ARMC3: variants seen among roughly 807,000 people sequenced by gnomAD.
ARMC3 encodes armadillo repeat containing 3.
A neutral mutation model predicts 90.3 loss-of-function variants in ARMC3; 74 were observed. The observed-to-expected ratio is 0.82, with a 90% CI of 0.68 to 0.99. The LOEUF (loss-of-function observed/expected upper bound fraction) is 0.99. Ranked by LOEUF, ARMC3 falls within the 50% of genes least tolerant of loss-of-function variation. ARMC3 has a pLI of 0.00. For missense variants in ARMC3, 958 were observed against 1,042.8 expected (o/e 0.92, Z 1.12); for synonymous variants, 334 against 361.8 (o/e 0.92, Z 0.87).
intron 10 of ARMC3, among the ~76,000 whole-genome samples, chr10:22,990,469 C>T (rs577402317): frequency 6.6e-6 from 1 of 152,204 alleles, no homozygotes; most frequent in Non-Finnish European, 1.5e-5. Context: ...AAACTCTCTA[C>T]CCTTGTGGCT....
At chr10:22,968,172 T>C (rs1835521723) in intron 7 of ARMC3, 134 bp from the exon 8 acceptor site, 1 of 730,746 alleles carries the variant, frequency 1.4e-6, no homozygotes. Context: ...GCAGAACTCC[T>C]ATTCCCTGGG....
At chr10:23,003,134 C>CT (rs1837395105) in intron 12 of ARMC3, 112 bp from the exon 13 acceptor site, 1 of 932,904 alleles carries the variant, frequency 1.1e-6, no homozygotes, top group East Asian at 2.7e-5. Context: ...GTGGGGGAGG[C>CT]TTTAAGCTCC....
intron 16 of ARMC3, among the ~76,000 whole-genome samples, chr10:23,018,402 A>G (rs1188031987): frequency 6.6e-6 from 1 of 151,920 alleles, no homozygotes; most frequent in Non-Finnish European, 1.5e-5. Flanking sequence ...TTGGCCATAG[A>G]TGGTGCCTCT....
chr10:22,929,241 GA>G (rs1176570872), intron 1 of ARMC3, among the ~76,000 whole-genome samples: 2 of 119,658 alleles, frequency 1.7e-5, no homozygotes, highest in Admixed American at 8.7e-5. Flanking sequence ...AAAAGAAAAA[GA>G]AAAAAAGAGA....
intron 7 of ARMC3, among the ~76,000 whole-genome samples, chr10:22,962,895 C>T (rs1449410552): frequency 6.6e-6 from 1 of 152,150 alleles, no homozygotes; most frequent in African/African-American, 2.4e-5. Context: ...GCCATGTGGA[C>T]CTACCCGCCT....
At chr10:22,960,070 C>CT (rs1835125624) in intron 6 of ARMC3, 1 of 306,778 alleles carries the variant, frequency 3.3e-6, no homozygotes, top group Admixed American at 5.0e-5. Flanking sequence ...TGCTGTTTTC[C>CT]TTTGTCACGG....
chr10:22,979,359 T>C (rs557404663), intron 8 of ARMC3, among the ~76,000 whole-genome samples: 1 of 152,350 alleles, frequency 6.6e-6, no homozygotes, highest in Admixed American at 6.5e-5. Context: ...ATTATAGCCA[T>C]GCTGCAGTCA....
chr10:22,931,348 C>A (rs12572188), intron 1 of ARMC3, among the ~76,000 whole-genome samples: 6,277 of 152,228 alleles, frequency 0.041, 424 homozygotes, highest in East Asian at 0.33. Context: ...AAGGAAGTAA[C>A]CTCAGTTTCC....
chr10:23,016,303 T>G (rs11013244), intron 16 of ARMC3, among the ~76,000 whole-genome samples: 1 of 152,066 alleles, frequency 6.6e-6, no homozygotes. Context: ...CCTAAAATTA[T>G]GTATTTCAAT....
At position 22,959,495 on chromosome 10, in the gene ARMC3, A is replaced by G. The variant is rs757637933; in HGVS notation, c.458A>G (p.Glu153Gly). ...CAAATATTTGAACATGGGGGATTAG[A>G]GCCACTCATCAGACTACTGAGTAGC... The part of the protein sequence containing the change: ...KVQIFEHGGL[E>G]PLIRLLSSPD... Residue 153 changes from glutamate (E) to glycine (G), a missense_variant, in exon 6 of 19, where the codon GAG becomes GGG. By Grantham distance (98) the Glu-to-Gly change is moderately conservative (BLOSUM62 -2). Transcript: ENST00000298032. 1 of 1,614,084 alleles carries G rather than the reference A, an allele frequency of 6.2e-7. No individual in the cohort carries two copies. The highest frequency in any genetic ancestry group is 8.5e-7 in the Non-Finnish European group (1 of 1,179,956).
chr10:22,989,179 G>T (rs372285010), intron 10 of ARMC3, among the ~76,000 whole-genome samples: 11 of 152,298 alleles, frequency 7.2e-5, no homozygotes, highest in African/African-American at 2.6e-4. Flanking sequence ...GTGTATCTAA[G>T]ATAATATTTC....
rs1835151328 is a variant in ARMC3 at position 22,960,672 on chromosome 10, A to C, written c.537+1098A>C. 3 of 152,340 alleles carry C rather than the reference A, an allele frequency of 2.0e-5. No homozygotes were observed. The South Asian group carries it at 6.2e-4, about 32-fold the overall frequency. The allele number at this position is 152,340 out of a possible 1,614,324, so 9.4% of individuals were successfully genotyped here. ...TGATTACCTCACAATTCTTAACAGC[A>C]GTACTGGCTAAAAACTGTGTATTAG... On this transcript the variant is annotated intron_variant, in intron 6 of 18. Coordinates refer to ENST00000298032, the MANE Select transcript of ARMC3 (RefSeq NM_173081.5).
At chr10:22,972,152 G>A (rs563998776) in intron 8 of ARMC3, among the ~76,000 whole-genome samples, 21 of 152,234 alleles carry the variant, frequency 1.4e-4, no homozygotes, top group African/African-American at 5.1e-4. Flanking sequence ...TTTTTACTCT[G>A]TTGATTGTGT....
At position 23,020,299 on chromosome 10, in the gene ARMC3, G is replaced by T. The variant is rs552261540; in HGVS notation, c.2046-10297G>T. Among the ~76,000 whole-genome samples, 44 of 152,136 alleles carry T rather than the reference G, an allele frequency of 2.9e-4. 1 individual carries two copies. Among genetic ancestry groups the T allele is most frequent in the South Asian group, 1.0e-3 (5 of 4,804 alleles). On this transcript the variant is annotated intron_variant, in intron 16 of 18. Transcript: ENST00000298032. ...TGTGCCACCACACCCAGCTAATTTT[G>T]TATTTTTAGTAGAGATGGATGATGG...
chr10:22,963,274 A>G (rs1027896987), intron 7 of ARMC3, among the ~76,000 whole-genome samples: 1 of 152,202 alleles, frequency 6.6e-6, no homozygotes, highest in Admixed American at 6.5e-5. Flanking sequence ...ATATAATCAT[A>G]TATACCTATT....
intron 3 of ARMC3, among the ~76,000 whole-genome samples, chr10:22,949,507 T>C (rs1336530080): frequency 3.3e-5 from 5 of 152,292 alleles, no homozygotes; most frequent in South Asian, 4.1e-4. Flanking sequence ...AGTTTGGACA[T>C]TGCAGAAGAA....
chr10:23,015,321 G>A (rs374802038), intron 16 of ARMC3, among the ~76,000 whole-genome samples: 1 of 152,086 alleles, frequency 6.6e-6, no homozygotes, highest in African/African-American at 2.4e-5. Flanking sequence ...TGATTAATTC[G>A]TTCCCTGGTT....
At chr10:23,002,301 T>G (rs1479719838) in intron 12 of ARMC3, among the ~76,000 whole-genome samples, 1 of 152,250 alleles carries the variant, frequency 6.6e-6, no homozygotes, top group Non-Finnish European at 1.5e-5. Context: ...CCCCTTTATC[T>G]TGATAAATGC....
At chr10:22,978,437 C>T (rs911016788) in intron 8 of ARMC3, among the ~76,000 whole-genome samples, 1 of 152,102 alleles carries the variant, frequency 6.6e-6, no homozygotes, top group Admixed American at 6.6e-5. Flanking sequence ...GGGAAACTGG[C>T]CTTGTGATTC....
Sources: gnomAD v4.1 joint callset for allele counts (sites outside exome capture counted in the v4.1 genomes callset) on GRCh38, gnomAD v4.1.1 for gene constraint, MANE v1.5 for transcripts, NCBI Gene and HGNC (gene_info 2026-07-23, HGNC 2026-07-21) for gene names.